NEK6: variants seen among roughly 807,000 people sequenced by gnomAD.
NEK6 encodes the protein serine/threonine-protein kinase Nek6.
Under a neutral mutation model 43.5 loss-of-function variants are expected in NEK6, and 27 were observed. That is an observed-to-expected ratio of 0.62 (90% CI 0.46 to 0.86). The LOEUF (loss-of-function observed/expected upper bound fraction) is 0.86. Ranked by LOEUF, NEK6 falls within the 40% of genes least tolerant of loss-of-function variation. The pLI is 0.00. For synonymous variants in NEK6, 167 were observed against 164.1 expected, an observed-to-expected ratio of 1.02 and a Z score of -0.14; for missense variants, 318 against 414.4, an observed-to-expected ratio of 0.77 and a Z score of 2.02.
intron 7 of NEK6, among the ~76,000 whole-genome samples, chr9:124,327,936 AG>A (rs1828745773): frequency 6.6e-6 from 1 of 152,158 alleles, no homozygotes; most frequent in African/African-American, 2.4e-5. Context: ...GGGACAGGGA[AG>A]GGGAGGGAGC....
rs553574264 is a variant in NEK6, at chr9:124,328,391, C to T, written c.622+946C>T. Among the ~76,000 whole-genome samples, 32 of 152,296 alleles carry T rather than the reference C, an allele frequency of 2.1e-4. 1 individual carries two copies. In the South Asian group the frequency reaches 2.7e-3, roughly 13 times the overall value. ...AGGCCCATGGAGTGGGCGAGGGCCC[C>T]TGCTTTCTCAGGGCTATTTCCTGGC... On this transcript the variant is annotated intron_variant, in intron 7 of 9. Transcript: ENST00000320246.
At chr9:124,335,445 G>T (rs1829240370) in intron 7 of NEK6, among the ~76,000 whole-genome samples, 1 of 152,240 alleles carries the variant, frequency 6.6e-6, no homozygotes, top group Non-Finnish European at 1.5e-5. Context: ...AGGGCTTTAA[G>T]TGAGGGCTGC....
At chr9:124,292,735 C>G in intron 1 of NEK6, 1 of 1,156,008 alleles carries the variant, frequency 8.7e-7, no homozygotes, top group East Asian at 2.6e-5. Flanking sequence ...CTCCTGGCCT[C>G]AGGTGTTTCT....
At position 124,326,449 on chromosome 9, in the gene NEK6, C is replaced by CCCGCCAGGAG. The variant is rs151018846; in HGVS notation, c.514+17_514+26dup. The stretch of plus-strand genomic sequence containing the variant: ...GGGTGATGCACCGAGGTACGTGCCA[C>CCCGCCAGGAG]CCGCCAGGAGCCGCCCGGAGCCACC... On this transcript the variant is annotated intron_variant, in intron 6 of 9. Transcript: ENST00000320246. This position sits in a 1 kb window ranked among gnomAD's most constrained non-coding sequence, Gnocchi z 4.5. 1 of 1,600,780 alleles carries CCCGCCAGGAG rather than the reference C, an allele frequency of 6.2e-7. No homozygotes were observed. The highest frequency in any genetic ancestry group is 8.5e-7 in the Non-Finnish European group (1 of 1,175,478).
intron 1 of NEK6, among the ~76,000 whole-genome samples, chr9:124,264,347 G>A (rs994996569): frequency 3.3e-5 from 5 of 152,216 alleles, no homozygotes; most frequent in Non-Finnish European, 7.3e-5. Flanking sequence ...CATGCAAGGA[G>A]GGCTTCACAG....
chr9:124,326,213 C>CCCCCCCCCCCCCCCCCCCCCT lies in NEK6; in HGVS notation c.406-117_406-116insCCCCCCCCCCCCCCCCCCCCT. 1.1e-5 allele frequency: 2 copies of CCCCCCCCCCCCCCCCCCCCCT among 178,956 alleles called. No homozygotes were observed. Among genetic ancestry groups the CCCCCCCCCCCCCCCCCCCCCT allele is most frequent in the South Asian group, 5.4e-5 (1 of 18,432 alleles). 11.1% of individuals were successfully genotyped at this position (178,956 alleles called of 1,614,324 possible). A position where few individuals can be genotyped will look rare whatever the true frequency, so the allele number is the denominator to read the frequency against. On this transcript the variant is annotated intron_variant, in intron 5 of 9. Transcript: ENST00000320246. This position sits in a 1 kb window ranked among gnomAD's most constrained non-coding sequence, Gnocchi z 4.5. ...GCTCAGTGGCTCAATCCCCCCCCCCCGCCCCTGCCAGGCACCAGTTACCCA... is the reference window on the plus strand; with the variant it reads ...GCTCAGTGGCTCAATCCCCCCCCCCCCCCCCCCCCCCCCCCCCCCCTGCCCCTGCCAGGCACCAGTTACCCA...
At chr9:124,321,141 T>C (rs1834047853) in intron 4 of NEK6, among the ~76,000 whole-genome samples, 1 of 152,118 alleles carries the variant, frequency 6.6e-6, no homozygotes, top group African/African-American at 2.4e-5. Flanking sequence ...CCATGCTGAG[T>C]CTCACATAGC....
chr9:124,350,472 T>C lies in NEK6; in HGVS notation c.832-365T>C, dbSNP rs145814814. On this transcript the variant is annotated intron_variant, in intron 9 of 9. Coordinates refer to ENST00000320246, the MANE Select transcript of NEK6 (RefSeq NM_014397.6). ...AGCCCTTGCCTTGAGTTTTGTCCTC[T>C]GGTTTGGGCATCTGCGTGACTGACA... is the stretch of plus-strand genomic sequence containing the variant. Among the ~76,000 whole-genome samples the C allele has an allele frequency of 7.3e-3, 1,094 of 149,452 alleles. 14 individuals carry two copies. Among genetic ancestry groups the C allele is most frequent in the African/African-American group, 0.026 (1,053 of 40,492 alleles).
At chr9:124,258,209 G>C (rs1488172586) in intron 1 of NEK6, 124 bp downstream of exon 1, 1 of 977,010 alleles carries the variant, frequency 1.0e-6, no homozygotes, top group East Asian at 1.2e-4. Context: ...CGGCTCCGCG[G>C]GGGAGAGCGG....
Position 124,294,121 on chromosome 9 carries a change from C to G in NEK6, c.-29-7815C>G, listed in dbSNP as rs140706670. ...TGGCTCACACCTGTAATCCCAGCAC[C>G]TTGAGAGGCCAGGGTGGGAGGATCA... On this transcript the variant is annotated intron_variant, in intron 1 of 9. Transcript: ENST00000320246. 2.7e-3 allele frequency among the ~76,000 whole-genome samples: 416 copies of G among 152,314 alleles called. 2 individuals carry two copies. Among genetic ancestry groups the G allele is most frequent in the African/African-American group, 9.1e-3 (377 of 41,556 alleles).
At position 124,339,734 on chromosome 9, in the gene NEK6, GCTCACC is replaced by G. The variant is rs1475532031; in HGVS notation, c.717+72_717+77del. The G allele has an allele frequency of 1.8e-5, 21 of 1,148,892 alleles. No individual in the cohort carries two copies. In the South Asian group the frequency reaches 2.6e-4, roughly 14 times the overall value. The allele number at this position is 1,148,892 out of a possible 1,614,324, so 71.2% of individuals were successfully genotyped here. On this transcript the variant is annotated intron_variant, in intron 8 of 9. Coordinates refer to ENST00000320246, the MANE Select transcript of NEK6 (RefSeq NM_014397.6). ...ATGGGGGGTGCCCAGTTAGGACAGG[GCTCACC>G]CTACCAGCTCAGGGTTGGAACCCAG...
intron 1 of NEK6, among the ~76,000 whole-genome samples, chr9:124,268,957 G>C (rs1021187535): frequency 2.0e-5 from 3 of 152,186 alleles, no homozygotes; most frequent in African/African-American, 7.2e-5. Context: ...GCTCGGAGCA[G>C]AGTCTCGGCA....
intron 1 of NEK6, among the ~76,000 whole-genome samples, chr9:124,295,341 C>T (rs1564628402): frequency 6.6e-6 from 1 of 152,206 alleles, no homozygotes; most frequent in Non-Finnish European, 1.5e-5. Context: ...GACAGGCCCC[C>T]ATGACTCTGG....
chr9:124,334,096 C>A (rs1345674276), intron 7 of NEK6, among the ~76,000 whole-genome samples: 1 of 152,200 alleles, frequency 6.6e-6, no homozygotes, highest in Non-Finnish European at 1.5e-5. Context: ...TCTTGATAGA[C>A]ATGGTCTACT....
Position 124,325,168 on chromosome 9 carries a change from C to T in NEK6, c.406-1162C>T, listed in dbSNP as rs189351991. The stretch of plus-strand genomic sequence containing the variant: ...CCAGCCTGGGCGACAGAGGGAGACT[C>T]CATCTCAAAAAAAAAAAGAAGTGGG... On this transcript the variant is annotated intron_variant, in intron 5 of 9. Transcript: ENST00000320246. 2.8e-3 allele frequency among the ~76,000 whole-genome samples: 426 copies of T among 151,628 alleles called. 3 individuals carry two copies. Among genetic ancestry groups the T allele is most frequent in the African/African-American group, 9.9e-3 (407 of 41,312 alleles).
rs10117633 is a variant in NEK6, at chr9:124,326,962, G to A, written c.515-376G>A. On this transcript the variant is annotated intron_variant, in intron 6 of 9. Coordinates refer to ENST00000320246, the MANE Select transcript of NEK6 (RefSeq NM_014397.6). This position sits in a 1 kb window ranked among gnomAD's most constrained non-coding sequence, Gnocchi z 4.5. ...AGGCCCCGCCCTCACTGGGGGGTACGGCACTGGGTGCTCCACTGAGCACTC... is the reference window on the plus strand; with the variant it reads ...AGGCCCCGCCCTCACTGGGGGGTACAGCACTGGGTGCTCCACTGAGCACTC... Among the ~76,000 whole-genome samples, 2,864 of 152,226 alleles carry A rather than the reference G, an allele frequency of 0.019. 96 individuals carry two copies. Among genetic ancestry groups the A allele is most frequent in the African/African-American group, 0.066 (2,728 of 41,526 alleles).
chr9:124,352,496 T>G lies in NEK6; in HGVS notation c.*1549T>G, dbSNP rs1432486974. On this transcript the variant is annotated 3_prime_UTR_variant, in exon 10 of 10. Coordinates refer to ENST00000320246, the MANE Select transcript of NEK6 (RefSeq NM_014397.6). ...GTAGATTCAAAACTTAAACAGCGTC[T>G]GCAGCACAATTTCTTGAGGAACCTT... 1.3e-5 allele frequency: 2 copies of G among 152,256 alleles called. No individual in the cohort carries two copies. The highest frequency in any genetic ancestry group is 4.8e-5 in the African/African-American group (2 of 41,468). 9.4% of individuals were successfully genotyped at this position (152,256 alleles called of 1,614,324 possible).
In NEK6 at chr9:124,320,249, C is replaced by G. The variant is rs559370650; in HGVS notation, c.295-1210C>G. 1.8e-4 allele frequency among the ~76,000 whole-genome samples: 27 copies of G among 152,296 alleles called. No homozygotes were observed. The South Asian group carries it at 5.0e-3, about 28-fold the overall frequency. On this transcript the variant is annotated intron_variant, in intron 4 of 9. Coordinates refer to ENST00000320246, the MANE Select transcript of NEK6 (RefSeq NM_014397.6). The stretch of plus-strand genomic sequence containing the variant: ...CGCCATAGCAGACAGGGATCAGTCT[C>G]TGGGGGGACCTGGTGAGAGGATGGA...
chr9:124,327,457 C>G lies in NEK6; in HGVS notation c.622+12C>G, dbSNP rs761206210. ...AGCCCACTCCCTAGGTAAGGGGGAC[C>G]TGTCTGTGCCCCAGCAGCCCCCAGC... On this transcript the variant is annotated intron_variant, in intron 7 of 9. Transcript: ENST00000320246. 1 of 1,597,668 alleles carries G rather than the reference C, an allele frequency of 6.3e-7. No homozygotes were observed. The highest frequency in any genetic ancestry group is 8.6e-7 in the Non-Finnish European group (1 of 1,167,408).
Sources: allele counts gnomAD v4.1 joint callset (sites outside exome capture counted in the v4.1 genomes callset), GRCh38; gene constraint gnomAD v4.1.1; non-coding constraint Gnocchi (gnomAD v3.1); transcripts MANE v1.5; gene names NCBI Gene and HGNC (gene_info 2026-07-23, HGNC 2026-07-21).